Variants in TMC1 observed in about 807,000 individuals in gnomAD.
TMC1 encodes transmembrane channel like 1, also known as transmembrane channel-like protein 1.
In TMC1, 84 loss-of-function variants were observed where a neutral mutation model predicts 105.8. The ratio of observed to expected loss-of-function variants is 0.79; its 90% CI spans 0.67 to 0.95. The LOEUF is 0.95. Ranked by LOEUF, TMC1 falls within the 40% of genes least tolerant of loss-of-function variation. TMC1 has a pLI of 0.00. For synonymous variants in TMC1, 315 were observed against 311.5 expected (o/e 1.01, Z -0.12); for missense variants, 817 against 914.1 (o/e 0.89, Z 1.37).
At chr9:72,646,808 T>C (rs1198093685) in intron 4 of TMC1, among the ~76,000 whole-genome samples, 1 of 152,006 alleles carries the variant, frequency 6.6e-6, no homozygotes, top group African/African-American at 2.4e-5. Flanking sequence ...CTTTTCTTGT[T>C]ATAATAAAAC....
At chr9:72,546,154 G>A (rs999191021) in intron 1 of TMC1, among the ~76,000 whole-genome samples, 2 of 151,864 alleles carry the variant, frequency 1.3e-5, no homozygotes, top group Admixed American at 6.6e-5. Flanking sequence ...TTAGCCCGGC[G>A]TGGTGGTGCA....
intron 8 of TMC1, among the ~76,000 whole-genome samples, chr9:72,726,809 A>C (rs912429785): frequency 6.6e-6 from 1 of 152,208 alleles, no homozygotes; most frequent in Admixed American, 6.5e-5. Flanking sequence ...TGTTTTGAAA[A>C]AACAGTTATA....
chr9:72,710,939 C>T (rs987765901), intron 8 of TMC1, among the ~76,000 whole-genome samples: 11 of 152,170 alleles, frequency 7.2e-5, no homozygotes, highest in Admixed American at 2.0e-4. Context: ...CCCTTAGCTC[C>T]GCATCCCCAA....
intron 5 of TMC1, among the ~76,000 whole-genome samples, chr9:72,676,388 G>T (rs1826202574): frequency 6.6e-6 from 1 of 152,080 alleles, no homozygotes; most frequent in Admixed American, 6.6e-5. Flanking sequence ...TTGTGTGTTG[G>T]TATGTGTCAA....
intron 1 of TMC1, among the ~76,000 whole-genome samples, chr9:72,564,227 A>G (rs769473297): frequency 6.6e-6 from 1 of 152,202 alleles, no homozygotes; most frequent in Non-Finnish European, 1.5e-5. Context: ...ACCTAGGGAA[A>G]ACATCAAATT....
At chr9:72,738,544 A>G (rs1202770953) in intron 8 of TMC1, among the ~76,000 whole-genome samples, 1 of 151,944 alleles carries the variant, frequency 6.6e-6, no homozygotes, top group African/African-American at 2.4e-5. Flanking sequence ...CAGCTTCCCC[A>G]GTAGCTGGGA....
intron 19 of TMC1, chr9:72,818,732 G>T (rs1318292740): frequency 6.6e-6 from 1 of 152,192 alleles, no homozygotes; most frequent in Non-Finnish European, 1.5e-5. Flanking sequence ...ACTGACAGAT[G>T]ATGGGATCAT....
chr9:72,584,786 T>TTTC (rs1207330590), intron 2 of TMC1, among the ~76,000 whole-genome samples: 1 of 140,470 alleles, frequency 7.1e-6, no homozygotes, highest in Non-Finnish European at 1.5e-5. Flanking sequence ...TTTCTTTTCT[T>TTTC]TTTTTTTTTT....
chr9:72,753,954 T>A (rs973106211), intron 11 of TMC1, among the ~76,000 whole-genome samples: 7 of 152,216 alleles, frequency 4.6e-5, no homozygotes, highest in Admixed American at 2.6e-4. Context: ...TGGGAGGTTG[T>A]GCAGCTTGTG....
At chr9:72,611,139 C>T (rs552753976) in intron 2 of TMC1, among the ~76,000 whole-genome samples, 1 of 152,140 alleles carries the variant, frequency 6.6e-6, no homozygotes, top group African/African-American at 2.4e-5. Context: ...TACGTATATT[C>T]CTTCAGGAAA....
intron 8 of TMC1, among the ~76,000 whole-genome samples, chr9:72,716,368 C>G (rs927414532): frequency 2.6e-5 from 4 of 152,194 alleles, no homozygotes; most frequent in African/African-American, 9.7e-5. Context: ...CACAAACTCC[C>G]CTTCCCCCAG....
chr9:72,731,802 C>A lies in TMC1; in HGVS notation c.363-8317C>A, dbSNP rs181901414. ...TTTTTGCTTATATCATTCCCCTGCA[C>A]CAGAATGTCCCTCCTACTCCTTTGA... On this transcript the variant is annotated intron_variant, in intron 8 of 23. Transcript: ENST00000297784. Among the ~76,000 whole-genome samples the A allele has an allele frequency of 1.4e-3, 220 of 152,292 alleles. 1 individual carries two copies. Among genetic ancestry groups the A allele is most frequent in the Non-Finnish European group, 2.8e-3 (188 of 68,024 alleles).
At chr9:72,806,976 T>G (rs1307807985) in intron 18 of TMC1, among the ~76,000 whole-genome samples, 1 of 152,146 alleles carries the variant, frequency 6.6e-6, no homozygotes, top group African/African-American at 2.4e-5. Flanking sequence ...TGGGCACCAT[T>G]GAGCACTGAG....
chr9:72,556,397 G>A (rs566072697), intron 1 of TMC1, among the ~76,000 whole-genome samples: 6 of 151,954 alleles, frequency 3.9e-5, no homozygotes, highest in South Asian at 2.1e-4. Context: ...GATTACAGGC[G>A]TGAGTCACTG....
In TMC1 at chr9:72,672,655, A is replaced by G. The variant is rs571788998; in HGVS notation, c.17-16054A>G. ...AGATTTCAGGACCTTTTTCTGAATA[A>G]TTGATAGAATAAACAGACAAAAATA... On this transcript the variant is annotated intron_variant, in intron 5 of 23. Transcript: ENST00000297784. 1.3e-3 allele frequency among the ~76,000 whole-genome samples: 202 copies of G among 152,252 alleles called. 3 individuals carry two copies. The South Asian group carries it at 0.016, about 12-fold the overall frequency.
At chr9:72,678,496 T>C (rs951670121) in intron 5 of TMC1, among the ~76,000 whole-genome samples, 1 of 152,104 alleles carries the variant, frequency 6.6e-6, no homozygotes, top group Non-Finnish European at 1.5e-5. Flanking sequence ...AGTTAATGTT[T>C]GTGAGCCTCA....
intron 8 of TMC1, among the ~76,000 whole-genome samples, chr9:72,702,318 G>A (rs1262581839): frequency 6.6e-6 from 1 of 152,060 alleles, no homozygotes; most frequent in Non-Finnish European, 1.5e-5. Context: ...CGTATCTCTC[G>A]TGCAGGATCG....
At chr9:72,831,105 C>A (rs190013962) in intron 23 of TMC1, among the ~76,000 whole-genome samples, 1 of 152,126 alleles carries the variant, frequency 6.6e-6, no homozygotes, top group Non-Finnish European at 1.5e-5. Flanking sequence ...CCACTGATTG[C>A]CAGAAGCCCT....
At chr9:72,743,235 C>T (rs747780369) in intron 10 of TMC1, among the ~76,000 whole-genome samples, 31 of 150,446 alleles carry the variant, frequency 2.1e-4, no homozygotes, top group East Asian at 9.8e-4. Context: ...GGCGTAGTGG[C>T]GGGCGCCTGT....
Sources: allele counts gnomAD v4.1 joint callset (sites outside exome capture counted in the v4.1 genomes callset), GRCh38; gene constraint gnomAD v4.1.1; transcripts MANE v1.5; gene names NCBI Gene and HGNC (gene_info 2026-07-23, HGNC 2026-07-21).